The following PDE4D variants were observed in gnomAD, a reference collection of about 807,000 sequenced individuals.
PDE4D encodes the protein phosphodiesterase 4D.
In PDE4D, 24 loss-of-function variants were observed where a neutral mutation model predicts 87.4. The observed-to-expected ratio is 0.27, with a 90% confidence interval of 0.20 to 0.39. The LOEUF is 0.39. PDE4D is among the 10% of genes least tolerant of loss of function. The pLI, the probability that PDE4D is intolerant of heterozygous loss-of-function variation, is 1.00. For missense variants in PDE4D, 714 were observed against 1,041.0 expected (o/e 0.69, Z 4.32); for synonymous variants, 384 against 383.2 (o/e 1.00, Z -0.02).
intron 6 of PDE4D, among the ~76,000 whole-genome samples, chr5:59,033,225 T>C (rs979956221): frequency 2.0e-5 from 3 of 152,230 alleles, no homozygotes; most frequent in Non-Finnish European, 2.9e-5. Flanking sequence ...GAATTGTTTG[T>C]TGTTTAAGCA....
intron 1 of PDE4D, among the ~76,000 whole-genome samples, chr5:60,202,457 A>AT (rs1300505623): frequency 1.3e-5 from 2 of 152,196 alleles, no homozygotes; most frequent in African/African-American, 4.8e-5. Flanking sequence ...GTGAGTCACC[A>AT]TCCCCAGCCT....
chr5:59,138,265 T>C (rs1186698493), intron 5 of PDE4D, among the ~76,000 whole-genome samples: 2 of 152,172 alleles, frequency 1.3e-5, no homozygotes, highest in South Asian at 2.1e-4. Flanking sequence ...GCCAAAGCCA[T>C]TTTAGCTTGA....
intron 1 of PDE4D, among the ~76,000 whole-genome samples, chr5:59,832,384 T>C (rs1741375634): frequency 6.6e-6 from 1 of 152,004 alleles, no homozygotes; most frequent in Admixed American, 6.6e-5. Context: ...GGAGAGAAAT[T>C]GGAAAATGAG....
chr5:60,492,563 T>C (rs527872444), upstream of PDE4D, among the ~76,000 whole-genome samples: 4 of 152,198 alleles, frequency 2.6e-5, 1 homozygote, highest in East Asian at 3.9e-4. Context: ...TATGCAGCCA[T>C]AAAAAAGGAT....
At chr5:60,049,078 T>C (rs1303781755) in intron 2 of PDE4D, among the ~76,000 whole-genome samples, 1 of 152,218 alleles carries the variant, frequency 6.6e-6, no homozygotes, top group East Asian at 1.9e-4. Context: ...TTTATTCTTT[T>C]TTCTCTAAAC....
At chr5:59,098,797 A>G (rs1373855833) in intron 5 of PDE4D, among the ~76,000 whole-genome samples, 2 of 151,808 alleles carry the variant, frequency 1.3e-5, no homozygotes, top group Non-Finnish European at 2.9e-5. Context: ...TTTATCAGGG[A>G]CCTAGGTTCC....
chr5:58,970,463 C>A lies in PDE4D; in HGVS notation c.*4201G>T, dbSNP rs1379249367. ...ACATGATTCAAGGGCTGGGCAAGTA[C>A]TGGGAGGATGTTTCCATATAATCCA... On this transcript the variant is annotated 3_prime_UTR_variant, in exon 15 of 15. Transcript: ENST00000340635. The A allele has an allele frequency of 2.0e-5, 3 of 152,136 alleles. No individual in the cohort carries two copies. The highest frequency in any genetic ancestry group is 4.8e-5 in the African/African-American group (2 of 41,428). 9.4% of individuals were successfully genotyped at this position (152,136 alleles called of 1,614,324 possible). A position where few individuals can be genotyped will look rare whatever the true frequency, so the allele number is the denominator to read the frequency against.
intron 1 of PDE4D, among the ~76,000 whole-genome samples, chr5:59,364,314 A>T (rs1329424233): frequency 6.6e-6 from 1 of 152,224 alleles, no homozygotes; most frequent in Non-Finnish European, 1.5e-5. Flanking sequence ...GAAAGTGCTA[A>T]ATAATGGGGC....
chr5:59,508,658 TA>T lies in PDE4D; in HGVS notation c.456-292691del, dbSNP rs569879778. On this transcript the variant is annotated intron_variant, in intron 1 of 14. Transcript: ENST00000340635. ...TATTGGAACTATCAAGGAACTAAAA[TA>T]AAAAAAAATATTTAAGCTGTTTAAA... 2.8e-4 allele frequency among the ~76,000 whole-genome samples: 42 copies of T among 150,726 alleles called. No individual in the cohort carries two copies. In the South Asian group the frequency reaches 6.7e-3, roughly 24 times the overall value.
intron 1 of PDE4D, among the ~76,000 whole-genome samples, chr5:60,357,389 A>G (rs1759709809): frequency 8.2e-6 from 1 of 122,618 alleles, no homozygotes; most frequent in Non-Finnish European, 1.8e-5. Flanking sequence ...TTGTCTTTGT[A>G]AAAAAAAAAT....
At chr5:59,664,935 G>C (rs1026882867) in intron 1 of PDE4D, among the ~76,000 whole-genome samples, 8 of 152,096 alleles carry the variant, frequency 5.3e-5, no homozygotes, top group African/African-American at 1.9e-4. Context: ...TCTCCAAAAA[G>C]AATGTTACTA....
intron 2 of PDE4D, among the ~76,000 whole-genome samples, chr5:60,108,890 C>T (rs1486914475): frequency 6.6e-6 from 1 of 151,984 alleles, no homozygotes; most frequent in East Asian, 1.9e-4. Context: ...AATGTTAGAC[C>T]TAAAACCATA....
chr5:60,267,841 T>C (rs923146858), intron 1 of PDE4D, among the ~76,000 whole-genome samples: 1 of 152,172 alleles, frequency 6.6e-6, no homozygotes, highest in Non-Finnish European at 1.5e-5. Flanking sequence ...CTCCTTTATT[T>C]GTAAAATCTG....
intron 1 of PDE4D, among the ~76,000 whole-genome samples, chr5:60,208,560 A>G (rs1009218922): frequency 6.6e-6 from 1 of 152,176 alleles, no homozygotes; most frequent in African/African-American, 2.4e-5. Flanking sequence ...AGGTGTCATG[A>G]AAAAGGCAGA....
chr5:59,974,265 T>G (rs1561931368), intron 3 of PDE4D, among the ~76,000 whole-genome samples: 1 of 152,236 alleles, frequency 6.6e-6, no homozygotes, highest in East Asian at 1.9e-4. Flanking sequence ...ATTCAATTAT[T>G]ATTTCTAAGA....
intron 1 of PDE4D, among the ~76,000 whole-genome samples, chr5:60,419,041 G>A (rs954034259): frequency 9.2e-5 from 14 of 152,136 alleles, no homozygotes; most frequent in African/African-American, 2.7e-4. Context: ...CATTTTTAAC[G>A]AGGCTACAGC....
chr5:59,597,809 A>C (rs1826917464), intron 1 of PDE4D, among the ~76,000 whole-genome samples: 1 of 152,202 alleles, frequency 6.6e-6, no homozygotes, highest in African/African-American at 2.4e-5. Flanking sequence ...GCTAGTTATT[A>C]AATACTAGTT....
At chr5:60,231,321 C>A (rs541076876) in intron 1 of PDE4D, among the ~76,000 whole-genome samples, 2 of 151,984 alleles carry the variant, frequency 1.3e-5, no homozygotes, top group East Asian at 3.9e-4. Context: ...TTATTTAAAA[C>A]AAATAGAGAA....
At chr5:59,256,864 A>G (rs1393853071) in intron 1 of PDE4D, among the ~76,000 whole-genome samples, 2 of 152,026 alleles carry the variant, frequency 1.3e-5, no homozygotes, top group Non-Finnish European at 2.9e-5. Flanking sequence ...TATAACCTCT[A>G]TAGATGAAAA....
Sources: allele counts gnomAD v4.1 joint callset (sites outside exome capture counted in the v4.1 genomes callset), GRCh38; gene constraint gnomAD v4.1.1; transcripts MANE v1.5; gene names NCBI Gene and HGNC (gene_info 2026-07-23, HGNC 2026-07-21).